Variants in IRAK4 observed in about 807,000 individuals in gnomAD.
The protein encoded by IRAK4 is interleukin 1 receptor associated kinase 4.
Under a neutral mutation model 51.8 loss-of-function variants are expected in IRAK4, and 44 were observed. The observed-to-expected ratio is 0.85, with a 90% CI of 0.67 to 1.09. The LOEUF is 1.09. Ranked by LOEUF, IRAK4 falls within the 50% of genes least tolerant of loss-of-function variation. The pLI, the probability that IRAK4 is intolerant of heterozygous loss-of-function variation, is 0.00. For synonymous variants in IRAK4, 149 were observed against 174.1 expected (o/e 0.86, Z 1.13); for missense variants, 487 against 538.0 (o/e 0.91, Z 0.94).
intron 6 of IRAK4, among the ~76,000 whole-genome samples, chr12:43,774,311 C>G (rs1373556078): frequency 3.9e-5 from 6 of 152,146 alleles, no homozygotes; most frequent in Non-Finnish European, 8.8e-5. Context: ...GTGGCATGAT[C>G]TCGGCTCACT....
Position 43,787,111 on chromosome 12 carries a change from A to T in IRAK4, c.*396A>T, listed in dbSNP as rs919256687. On this transcript the variant is annotated 3_prime_UTR_variant, in exon 12 of 12. Transcript: ENST00000613694. ...CACTTAGCTGCTGTGAGCCACTAAT[A>T]ACATTGGGCTAATATCTGCTGTGCT... is the stretch of plus-strand genomic sequence containing the variant. The T allele has an allele frequency of 2.7e-5, 5 of 181,906 alleles. No homozygotes were observed. The highest frequency in any genetic ancestry group is 1.2e-4 in the African/African-American group (5 of 42,382). 11.3% of individuals were successfully genotyped at this position (181,906 alleles called of 1,614,324 possible). A position where few individuals can be genotyped will look rare whatever the true frequency, so the allele number is the denominator to read the frequency against.
chr12:43,771,961 G>T (rs1940812603), intron 3 of IRAK4, among the ~76,000 whole-genome samples: 1 of 152,132 alleles, frequency 6.6e-6, no homozygotes. Context: ...GATATAGGTG[G>T]CTCATGGATC....
chr12:43,769,837 T>C (rs1565667710), intron 2 of IRAK4, among the ~76,000 whole-genome samples: 2 of 152,200 alleles, frequency 1.3e-5, no homozygotes, highest in Admixed American at 6.5e-5. Flanking sequence ...ACATTATACC[T>C]ATGTAGTATT....
At chr12:43,765,576 C>T (rs1159668259) in intron 1 of IRAK4, among the ~76,000 whole-genome samples, 1 of 151,378 alleles carries the variant, frequency 6.6e-6, no homozygotes, top group East Asian at 1.9e-4. Context: ...CAACTAGATC[C>T]TGTTTAGACA....
At position 43,783,681 on chromosome 12, in the gene IRAK4, C is replaced by G. The variant is rs750092963; in HGVS notation, c.1145C>G (p.Thr382Ser). ...TCATAGGTTTTACTAGAAATAATAACTGGACTTCCAGCTGTGGATGAACAC... is the reference window on the plus strand; with the variant it reads ...TCATAGGTTTTACTAGAAATAATAAGTGGACTTCCAGCTGTGGATGAACAC... ...SFGVVLLEII[T>S]GLPAVDEHRE... The change falls in exon 10 of 12, where the codon ACT becomes AGT. Residue 382 changes from threonine (T) to serine (S), a missense_variant. Thr to Ser is a moderately conservative substitution (Grantham distance 58). Transcript: ENST00000613694. 6.2e-7 allele frequency: 1 copy of G among 1,604,974 alleles called. No homozygotes were observed. Among genetic ancestry groups the G allele is most frequent in the Admixed American group, 1.7e-5 (1 of 59,940 alleles).
At chr12:43,762,463 T>C (rs1939666765) in intron 1 of IRAK4, among the ~76,000 whole-genome samples, 1 of 152,160 alleles carries the variant, frequency 6.6e-6, no homozygotes, top group Non-Finnish European at 1.5e-5. Context: ...TAGAGAGAAA[T>C]CTTAGTAAGG....
intron 1 of IRAK4, chr12:43,759,471 G>A (rs572864111): frequency 1.3e-5 from 2 of 152,354 alleles, no homozygotes; most frequent in Admixed American, 6.5e-5. Context: ...AGCTTCCAGG[G>A]AATTAGAAAG....
intron 9 of IRAK4, 91 bp downstream of exon 9, chr12:43,782,581 ATC>A: frequency 9.5e-7 from 1 of 1,057,342 alleles, no homozygotes; most frequent in South Asian, 1.4e-5. Context: ...CATCTTGTTT[ATC>A]TCTCTTATGT....
At chr12:43,774,958 T>G (rs1941135382) in intron 6 of IRAK4, among the ~76,000 whole-genome samples, 1 of 152,354 alleles carries the variant, frequency 6.6e-6, no homozygotes, top group East Asian at 1.9e-4. Context: ...TTAACTGAGA[T>G]TTAGAAACAT....
intron 8 of IRAK4, among the ~76,000 whole-genome samples, chr12:43,779,683 T>C (rs1389078106): frequency 2.0e-5 from 3 of 152,182 alleles, no homozygotes; most frequent in African/African-American, 4.8e-5. Flanking sequence ...GGAATGATTA[T>C]GGCATGATTC....
Position 43,773,976 on chromosome 12 carries a change from T to A in IRAK4, c.663T>A (p.Ile221=). 1.9e-6 allele frequency: 3 copies of A among 1,602,682 alleles called. No individual in the cohort carries two copies. The highest frequency in any genetic ancestry group is 2.6e-6 in the Non-Finnish European group (3 of 1,170,444). Residue 221 remains isoleucine, a synonymous_variant, in exon 6 of 12, where the codon ATT becomes ATA. Transcript: ENST00000613694. Reference sequence around the variant, plus strand: ...TTTTATTTTTTCAGATGGTTGACATTACTACTGAAGAACTGAAACAGCAGT... The same window carrying A: ...TTTTATTTTTTCAGATGGTTGACATAACTACTGAAGAACTGAAACAGCAGT... The part of the protein sequence containing the change: ...AVKKLAAMVD[I]TTEELKQQFD...
At position 43,788,262 on chromosome 12, in the gene IRAK4, T is replaced by A. The variant is rs1401482605; in HGVS notation, c.*1547T>A. On this transcript the variant is annotated 3_prime_UTR_variant, in exon 12 of 12. Coordinates refer to ENST00000613694, the MANE Select transcript of IRAK4 (RefSeq NM_016123.4). ...AGCGGGAGGCTTATAGTGTACGTAC[T>A]GAAATGTGGGGTTGGAGCCCCAACA... 2.0e-5 allele frequency: 3 copies of A among 152,204 alleles called. No individual in the cohort carries two copies. The highest frequency in any genetic ancestry group is 4.4e-5 in the Non-Finnish European group (3 of 68,072). The allele number at this position is 152,204 out of a possible 1,614,324, so 9.4% of individuals were successfully genotyped here.
At position 43,789,380 on chromosome 12, in the gene IRAK4, C is replaced by T. The variant is rs532207331; in HGVS notation, c.*2665C>T. On this transcript the variant is annotated 3_prime_UTR_variant, in exon 12 of 12. Transcript: ENST00000613694. ...TCAAAGGCCAGGCAAATATTGGTGC[C>T]GTGCTAGTATGGCCTGCAGAACCGT... 4 of 152,212 alleles carry T rather than the reference C, an allele frequency of 2.6e-5. No individual in the cohort carries two copies. The highest frequency in any genetic ancestry group is 2.9e-5 in the Non-Finnish European group (2 of 68,014). 9.4% of individuals were successfully genotyped at this position (152,212 alleles called of 1,614,324 possible).
chr12:43,769,574 C>G (rs1940532141), intron 2 of IRAK4, among the ~76,000 whole-genome samples: 2 of 152,038 alleles, frequency 1.3e-5, no homozygotes, highest in Non-Finnish European at 2.9e-5. Flanking sequence ...ATCACCTGAG[C>G]CCAGGAAGTC....
chr12:43,785,898 AAG>A (rs1942174149), intron 10 of IRAK4, among the ~76,000 whole-genome samples: 1 of 152,108 alleles, frequency 6.6e-6, no homozygotes. Flanking sequence ...GTAAACATAA[AAG>A]AGGTACAGTA....
At chr12:43,763,901 G>T (rs1376864878) in intron 1 of IRAK4, among the ~76,000 whole-genome samples, 1 of 152,008 alleles carries the variant, frequency 6.6e-6, no homozygotes, top group African/African-American at 2.4e-5. Context: ...ATACCAACCT[G>T]CCACCTTTTC....
intron 7 of IRAK4, among the ~76,000 whole-genome samples, 198 bp downstream of exon 7, chr12:43,777,942 T>C (rs1941437257): frequency 6.6e-6 from 1 of 152,240 alleles, no homozygotes; most frequent in Non-Finnish European, 1.5e-5. Flanking sequence ...GGTGGTAATC[T>C]TAAATGTAGA....
chr12:43,784,632 G>T (rs1027086323), intron 10 of IRAK4, among the ~76,000 whole-genome samples: 1 of 152,136 alleles, frequency 6.6e-6, no homozygotes, highest in Admixed American at 6.5e-5. Context: ...ATATATAAAA[G>T]CCTCAAAACT....
chr12:43,761,087 A>T (rs1343740649), intron 1 of IRAK4: 1 of 152,224 alleles, frequency 6.6e-6, no homozygotes, highest in African/African-American at 2.4e-5. Flanking sequence ...TTTATGGTAC[A>T]CCAGCACATA....
Sources: allele counts gnomAD v4.1 joint callset (sites outside exome capture counted in the v4.1 genomes callset), GRCh38; gene constraint gnomAD v4.1.1; transcripts MANE v1.5; gene names NCBI Gene and HGNC (gene_info 2026-07-23, HGNC 2026-07-21).